Variants in GRM5 observed in about 807,000 individuals in gnomAD.
The protein encoded by GRM5 is metabotropic glutamate receptor 5.
A neutral mutation model predicts 83.1 loss-of-function variants in GRM5; 19 were observed. The observed-to-expected ratio is 0.23, with a 90% confidence interval of 0.16 to 0.34. The LOEUF (loss-of-function observed/expected upper bound fraction) is 0.34, where lower values mean the gene tolerates loss of function less well. GRM5 is among the 10% of genes least tolerant of loss of function. GRM5 has a pLI of 1.00. For missense variants in GRM5, 1,160 were observed against 1,588.3 expected (o/e 0.73, Z 4.58); for synonymous variants, 675 against 633.6 (o/e 1.07, Z -0.98).
At chr11:88,759,498 A>G (rs1317639120) in intron 3 of GRM5, among the ~76,000 whole-genome samples, 1 of 152,224 alleles carries the variant, frequency 6.6e-6, no homozygotes, top group African/African-American at 2.4e-5. Flanking sequence ...ACATAATGGT[A>G]AAGGGTTCAA....
chr11:89,057,332 TC>T (rs1941898958), intron 1 of GRM5, among the ~76,000 whole-genome samples: 1 of 150,672 alleles, frequency 6.6e-6, no homozygotes, highest in South Asian at 2.1e-4. Context: ...TGAGGAAAGC[TC>T]CATTGTCATT....
chr11:88,691,548 T>C (rs565348315), intron 3 of GRM5, among the ~76,000 whole-genome samples: 8 of 152,338 alleles, frequency 5.3e-5, no homozygotes, highest in Admixed American at 3.9e-4. Flanking sequence ...TTATACCTCC[T>C]GATCATACTT....
intron 3 of GRM5, among the ~76,000 whole-genome samples, chr11:88,802,466 C>T (rs1244638758): frequency 1.5e-5 from 2 of 131,200 alleles, no homozygotes; most frequent in Non-Finnish European, 3.0e-5. Context: ...GCAGAAAAGG[C>T]GTTTGACAAA....
At chr11:88,815,638 T>C (rs997948217) in intron 3 of GRM5, among the ~76,000 whole-genome samples, 10 of 152,174 alleles carry the variant, frequency 6.6e-5, no homozygotes, top group Non-Finnish European at 1.5e-4. Context: ...GAAGCTTGTA[T>C]GTGCAGAGAT....
chr11:88,712,978 CCTG>C, intron 3 of GRM5, among the ~76,000 whole-genome samples: 1 of 152,062 alleles, frequency 6.6e-6, no homozygotes, highest in South Asian at 2.1e-4. Context: ...TTGGTCAAGG[CCTG>C]GGGCTATGAC....
At chr11:88,940,957 T>C (rs545314243) in intron 2 of GRM5, among the ~76,000 whole-genome samples, 2 of 151,978 alleles carry the variant, frequency 1.3e-5, no homozygotes, top group East Asian at 3.9e-4. Flanking sequence ...TGACAATGTG[T>C]TAAGTGCATA....
intron 2 of GRM5, among the ~76,000 whole-genome samples, chr11:89,032,275 G>A (rs1591063998): frequency 6.6e-6 from 1 of 151,928 alleles, no homozygotes; most frequent in Non-Finnish European, 1.5e-5. Flanking sequence ...TAACCATAGA[G>A]TCTAGATCTA....
chr11:88,661,617 T>G (rs558439831), intron 3 of GRM5, among the ~76,000 whole-genome samples: 2 of 152,294 alleles, frequency 1.3e-5, no homozygotes, highest in African/African-American at 4.8e-5. Flanking sequence ...TACGGACTAC[T>G]TGGCTGTTTT....
chr11:88,657,737 T>A (rs1939799549), intron 3 of GRM5, among the ~76,000 whole-genome samples: 1 of 152,048 alleles, frequency 6.6e-6, no homozygotes, highest in Non-Finnish European at 1.5e-5. Context: ...TGAATTACCC[T>A]GCTATTTTTT....
chr11:88,602,989 T>G (rs1162529542), intron 5 of GRM5, among the ~76,000 whole-genome samples: 1 of 152,154 alleles, frequency 6.6e-6, no homozygotes, highest in African/African-American at 2.4e-5. Flanking sequence ...CTCTGATAAT[T>G]TATTCATGGG....
At chr11:88,699,913 A>G (rs1366913798) in intron 3 of GRM5, among the ~76,000 whole-genome samples, 1 of 152,182 alleles carries the variant, frequency 6.6e-6, no homozygotes, top group African/African-American at 2.4e-5. Flanking sequence ...AGTTCTGTGT[A>G]TGTTTATAGC....
At chr11:88,952,820 GAAAAT>G (rs1191635080) in intron 2 of GRM5, among the ~76,000 whole-genome samples, 1 of 151,940 alleles carries the variant, frequency 6.6e-6, no homozygotes, top group African/African-American at 2.4e-5. Context: ...GAAAAAAAGA[GAAAAT>G]AAAACAGGAA....
At chr11:88,664,322 TA>T (rs928785702) in intron 3 of GRM5, among the ~76,000 whole-genome samples, 1 of 72,956 alleles carries the variant, frequency 1.4e-5, no homozygotes, top group Non-Finnish European at 3.6e-5. Context: ...AACCCAGATT[TA>T]AAAAAAACTG....
intron 3 of GRM5, among the ~76,000 whole-genome samples, chr11:88,819,414 T>C (rs1224605963): frequency 1.3e-5 from 2 of 152,236 alleles, no homozygotes; most frequent in African/African-American, 4.8e-5. Context: ...AATGAATCAG[T>C]CTAAATTAAC....
At chr11:88,589,468 G>A (rs1937603794) in intron 7 of GRM5, among the ~76,000 whole-genome samples, 1 of 152,064 alleles carries the variant, frequency 6.6e-6, no homozygotes, top group Non-Finnish European at 1.5e-5. Context: ...CCAAAGAAAG[G>A]TGAGCTGTCT....
intron 2 of GRM5, among the ~76,000 whole-genome samples, chr11:89,021,512 A>G (rs879629783): frequency 6.6e-6 from 1 of 152,214 alleles, no homozygotes; most frequent in Non-Finnish European, 1.5e-5. Context: ...TATTCATTTC[A>G]ACTCAAGAAA....
At chr11:88,787,302 CTG>C (rs1371460868) in intron 3 of GRM5, among the ~76,000 whole-genome samples, 1 of 151,696 alleles carries the variant, frequency 6.6e-6, no homozygotes, top group Non-Finnish European at 1.5e-5. Context: ...GATGGAGTAA[CTG>C]TTAAAAAATA....
chr11:88,842,137 TA>T (rs1944214777), intron 3 of GRM5, among the ~76,000 whole-genome samples: 1 of 151,970 alleles, frequency 6.6e-6, no homozygotes, highest in East Asian at 1.9e-4. Context: ...GTGTAGATTT[TA>T]TGGTAGTAAA....
intron 3 of GRM5, among the ~76,000 whole-genome samples, chr11:88,703,888 A>G (rs1941093602): frequency 6.6e-6 from 1 of 152,086 alleles, no homozygotes; most frequent in South Asian, 2.1e-4. Context: ...CCTGGAATAT[A>G]CCTATCTTAG....
Sources: gnomAD v4.1 joint callset for allele counts (sites outside exome capture counted in the v4.1 genomes callset) on GRCh38, gnomAD v4.1.1 for gene constraint, MANE v1.5 for transcripts, NCBI Gene and HGNC (gene_info 2026-07-23, HGNC 2026-07-21) for gene names.